MS4A4E: variants seen among roughly 807,000 people sequenced by gnomAD.
MS4A4E encodes membrane spanning 4-domains A4E, also known as putative membrane-spanning 4-domains subfamily A member 4E.
In MS4A4E, 23 loss-of-function variants were observed where a neutral mutation model predicts 13.3. That is an observed-to-expected ratio of 1.73 (90% CI 1.25 to 2.45). The LOEUF is 2.45. Among genes scored for constraint, MS4A4E ranks in the 30% most tolerant of loss-of-function variants. The probability of loss-of-function intolerance (pLI) is 0.00; values close to 1 mark genes in which losing one functional copy is unlikely to be tolerated. For missense variants in MS4A4E, 144 were observed against 131.2 expected (o/e 1.10, Z -0.48); for synonymous variants, 36 against 45.6 (o/e 0.79, Z 0.85).
chr11:60,200,580 C>T lies in MS4A4E; in HGVS notation c.*963G>A, dbSNP rs1249129833. ...CATTTAACCCTGAGTGGACACAGCACATGTTTCAGAGAGCACAGGGTTGGG... is the reference window on the plus strand; with the variant it reads ...CATTTAACCCTGAGTGGACACAGCATATGTTTCAGAGAGCACAGGGTTGGG... On this transcript the variant is annotated 3_prime_UTR_variant, in exon 9 of 9. Coordinates refer to ENST00000651255, the MANE Select transcript of MS4A4E (RefSeq NM_001393391.1). Among the ~76,000 whole-genome samples, 3 of 152,134 alleles carry T rather than the reference C, an allele frequency of 2.0e-5. No homozygotes were observed. The South Asian group carries it at 6.2e-4, about 32-fold the overall frequency.
In MS4A4E at chr11:60,201,012, A is replaced by G. The variant is rs1430788223; in HGVS notation, c.*531T>C. Among the ~76,000 whole-genome samples the G allele has an allele frequency of 8.1e-6, 1 of 123,516 alleles. No homozygotes were observed. Among genetic ancestry groups the G allele is most frequent in the African/African-American group, 3.2e-5 (1 of 31,414 alleles). 81.0% of individuals were successfully genotyped at this position (123,516 alleles called of 152,430 possible). A position where few individuals can be genotyped will look rare whatever the true frequency, so the allele number is the denominator to read the frequency against. On this transcript the variant is annotated 3_prime_UTR_variant, in exon 9 of 9. Transcript: ENST00000651255. ...TCCCGGACGGGGCGGCTGGCCGGGC[A>G]GAGGGCTGACCCCCCCACCTCCCTC...
chr11:60,240,094 T>C (rs1348909773), intron 1 of MS4A4E, among the ~76,000 whole-genome samples: 4 of 152,258 alleles, frequency 2.6e-5, no homozygotes, highest in Non-Finnish European at 5.9e-5. Context: ...AGGAATATTA[T>C]GTGGAGATTA....
At chr11:60,235,801 A>G (rs1387436293) in intron 1 of MS4A4E, among the ~76,000 whole-genome samples, 1 of 152,188 alleles carries the variant, frequency 6.6e-6, no homozygotes, top group East Asian at 1.9e-4. Flanking sequence ...ATTTTATTTT[A>G]TCTCTTTGCT....
At chr11:60,226,283 A>G (rs1276236357) in intron 3 of MS4A4E, among the ~76,000 whole-genome samples, 2 of 152,020 alleles carry the variant, frequency 1.3e-5, no homozygotes, top group East Asian at 1.9e-4. Flanking sequence ...AACTCATTCT[A>G]TGGAGCTAGC....
rs370255031 is a variant in MS4A4E at position 60,213,905 on chromosome 11, C to CT, written c.222+665dup. The stretch of plus-strand genomic sequence containing the variant: ...CCTTTTTGGATACAGTTGGAATCTA[C>CT]TTTTTTTTTTTCCTTTTTGAGATGG... On this transcript the variant is annotated intron_variant, in intron 4 of 8. Coordinates refer to ENST00000651255, the MANE Select transcript of MS4A4E (RefSeq NM_001393391.1). 4.4e-3 allele frequency among the ~76,000 whole-genome samples: 647 copies of CT among 146,498 alleles called. 5 individuals are homozygous for CT. The highest frequency in any genetic ancestry group is 0.015 in the African/African-American group (612 of 40,292).
chr11:60,200,405 G>A lies in MS4A4E; in HGVS notation c.*1138C>T, dbSNP rs982682507. Among the ~76,000 whole-genome samples the A allele has an allele frequency of 6.6e-6, 1 of 151,976 alleles. No individual in the cohort carries two copies. The highest frequency in any genetic ancestry group is 6.6e-5 in the Admixed American group (1 of 15,252). ...TCAGCAGATAAACAAGTGAACAAAG[G>A]TCTCTGGTTTTCCTAGGCAGAGGAC... is the stretch of plus-strand genomic sequence containing the variant. On this transcript the variant is annotated 3_prime_UTR_variant, in exon 9 of 9. Coordinates refer to ENST00000651255, the MANE Select transcript of MS4A4E (RefSeq NM_001393391.1).
chr11:60,212,008 C>G (rs912771605), intron 5 of MS4A4E, among the ~76,000 whole-genome samples: 7 of 152,156 alleles, frequency 4.6e-5, no homozygotes, highest in African/African-American at 1.7e-4. Flanking sequence ...TGCAAGAACT[C>G]TTCCCCCACA....
At chr11:60,225,395 TCA>T (rs1214672092) in intron 3 of MS4A4E, among the ~76,000 whole-genome samples, 1 of 152,172 alleles carries the variant, frequency 6.6e-6, no homozygotes, top group African/African-American at 2.4e-5. Flanking sequence ...CTCTCTTTTG[TCA>T]CACACTCAGA....
At chr11:60,213,607 A>G (rs1022345795) in intron 4 of MS4A4E, among the ~76,000 whole-genome samples, 2 of 152,144 alleles carry the variant, frequency 1.3e-5, no homozygotes, top group African/African-American at 4.8e-5. Flanking sequence ...AAGTGTGAAG[A>G]GTGTAGTGTG....
chr11:60,218,408 C>G (rs550985404), intron 3 of MS4A4E, among the ~76,000 whole-genome samples: 15 of 152,232 alleles, frequency 9.9e-5, no homozygotes, highest in African/African-American at 3.6e-4. Flanking sequence ...TCGCATACTC[C>G]CTCCCTTTTT....
At chr11:60,216,533 G>T (rs1164602615) in intron 3 of MS4A4E, among the ~76,000 whole-genome samples, 1 of 151,800 alleles carries the variant, frequency 6.6e-6, no homozygotes, top group Non-Finnish European at 1.5e-5. Flanking sequence ...CACATAAAAA[G>T]CACTTAGCAG....
intron 6 of MS4A4E, among the ~76,000 whole-genome samples, chr11:60,207,075 G>C (rs982760612): frequency 6.6e-6 from 1 of 152,130 alleles, no homozygotes; most frequent in African/African-American, 2.4e-5. Context: ...TGTTCATGCT[G>C]ATGACATCAA....
intron 1 of MS4A4E, among the ~76,000 whole-genome samples, chr11:60,230,287 T>C (rs1023386792): frequency 1.3e-5 from 2 of 152,104 alleles, no homozygotes; most frequent in Non-Finnish European, 2.9e-5. Context: ...ATATCAATAA[T>C]ATGCTAGGAG....
intron 6 of MS4A4E, among the ~76,000 whole-genome samples, chr11:60,206,485 A>ATG (rs10628170): frequency 0.64 from 49,218 of 76,814 alleles, 12,079 homozygotes; most frequent in Admixed American, 0.66. Flanking sequence ...ATATATATAT[A>ATG]TATGTATATA....
intron 3 of MS4A4E, among the ~76,000 whole-genome samples, chr11:60,225,356 C>T (rs1396826684): frequency 4.6e-5 from 7 of 152,122 alleles, no homozygotes; most frequent in Admixed American, 2.6e-4. Context: ...TTTCTGATAC[C>T]TAGGATGCTA....
intron 1 of MS4A4E, among the ~76,000 whole-genome samples, chr11:60,238,163 T>C (rs1398092278): frequency 6.6e-6 from 1 of 151,790 alleles, no homozygotes; most frequent in South Asian, 2.1e-4. Context: ...TTTTCTTGAT[T>C]TTGGTGTCAA....
chr11:60,212,673 A>G (rs1179942498), intron 5 of MS4A4E, among the ~76,000 whole-genome samples: 3 of 152,176 alleles, frequency 2.0e-5, no homozygotes, highest in Admixed American at 6.5e-5. Flanking sequence ...CACTGCATCA[A>G]TGTTTTAAAA....
intron 3 of MS4A4E, among the ~76,000 whole-genome samples, chr11:60,227,427 T>G (rs942760516): frequency 6.6e-6 from 1 of 152,070 alleles, no homozygotes; most frequent in Non-Finnish European, 1.5e-5. Flanking sequence ...GGCAGGCGCC[T>G]GTAGTCCCAG....
intron 8 of MS4A4E, 42 bp from the exon 9 acceptor site, chr11:60,201,921 ACT>A (rs919251989): frequency 1.2e-5 from 2 of 161,780 alleles, no homozygotes; most frequent in Non-Finnish European, 2.7e-5. Context: ...AAGTATACTG[ACT>A]CTACCTGAAT....
Sources: gnomAD v4.1 joint callset for allele counts (sites outside exome capture counted in the v4.1 genomes callset) on GRCh38, gnomAD v4.1.1 for gene constraint, MANE v1.5 for transcripts, NCBI Gene and HGNC (gene_info 2026-07-23, HGNC 2026-07-21) for gene names.